Variants in FRMPD2 observed in about 807,000 individuals in gnomAD.
FRMPD2 encodes FERM and PDZ domain containing 2.
Under a neutral mutation model 140.1 loss-of-function variants are expected in FRMPD2, and 96 were observed. The ratio of observed to expected loss-of-function variants is 0.69; its 90% CI spans 0.58 to 0.81. The LOEUF is 0.81. FRMPD2 is among the 40% of genes least tolerant of loss of function. The probability of loss-of-function intolerance (pLI) is 0.00; values close to 1 mark genes in which losing one functional copy is unlikely to be tolerated. For synonymous variants in FRMPD2, 449 were observed against 547.6 expected, an observed-to-expected ratio of 0.82 and a Z score of 2.52; for missense variants, 1,240 against 1,447.4, an observed-to-expected ratio of 0.86 and a Z score of 2.32.
intron 10 of FRMPD2, among the ~76,000 whole-genome samples, chr10:48,230,819 A>G (rs955759026): frequency 6.6e-6 from 1 of 152,204 alleles, no homozygotes; most frequent in Non-Finnish European, 1.5e-5. Flanking sequence ...CTAAAGCCCT[A>G]TAAACTGAAG....
intron 2 of FRMPD2, among the ~76,000 whole-genome samples, chr10:48,250,962 A>AT (rs1444421202): frequency 4.6e-5 from 6 of 131,184 alleles, no homozygotes; most frequent in African/African-American, 2.2e-4. Context: ...ATACCTGGCA[A>AT]ATTTTTTTTT....
intron 12 of FRMPD2, among the ~76,000 whole-genome samples, chr10:48,215,878 G>A (rs1839435971): frequency 6.6e-6 from 1 of 152,194 alleles, no homozygotes; most frequent in Admixed American, 6.5e-5. Context: ...CAGATATTTG[G>A]TCAAATATTC....
chr10:48,194,730 C>A (rs1159439912), intron 15 of FRMPD2, among the ~76,000 whole-genome samples: 2 of 152,088 alleles, frequency 1.3e-5, no homozygotes, highest in Non-Finnish European at 2.9e-5. Context: ...GGAAATGAGA[C>A]CCTGGGTGTC....
At chr10:48,184,451 G>A in intron 20 of FRMPD2, 115 bp downstream of exon 20, 1 of 675,364 alleles carries the variant, frequency 1.5e-6, no homozygotes, top group Middle Eastern at 3.1e-4. Flanking sequence ...CCAACACCAT[G>A]AGGAAAGCAA....
At chr10:48,181,305 C>G (rs200870929) in intron 20 of FRMPD2, among the ~76,000 whole-genome samples, 23,926 of 151,290 alleles carry the variant, frequency 0.16, 284 homozygotes, top group East Asian at 0.36. Context: ...GTGATGGGCA[C>G]CTTAGATATA....
At position 48,270,018 on chromosome 10, in the gene FRMPD2, G is replaced by T. The variant is rs146643190; in HGVS notation, c.25+4525C>A. Among the ~76,000 whole-genome samples the T allele has an allele frequency of 1.4e-3, 213 of 152,338 alleles. 1 individual carries two copies. Among genetic ancestry groups the T allele is most frequent in the Non-Finnish European group, 2.3e-3 (158 of 68,020 alleles). ...AGCTATACAGCCAGCTGGGATAAGG[G>T]ATGAAGGTCAAACCGAAAGTGACTA... On this transcript the variant is annotated intron_variant, in intron 1 of 28. Coordinates refer to ENST00000374201, the MANE Select transcript of FRMPD2 (RefSeq NM_001018071.4).
intron 4 of FRMPD2, among the ~76,000 whole-genome samples, chr10:48,244,366 T>A (rs1279830291): frequency 6.6e-6 from 1 of 152,214 alleles, no homozygotes; most frequent in Non-Finnish European, 1.5e-5. Context: ...GAGGGAGATA[T>A]TGTAGGGAGC....
intron 1 of FRMPD2, among the ~76,000 whole-genome samples, chr10:48,268,420 T>C (rs1432221023): frequency 6.6e-6 from 1 of 152,180 alleles, no homozygotes; most frequent in African/African-American, 2.4e-5. Flanking sequence ...AAAATGAATA[T>C]CCACACACAA....
At chr10:48,252,967 C>T (rs1043876956) in intron 1 of FRMPD2, among the ~76,000 whole-genome samples, 2 of 151,928 alleles carry the variant, frequency 1.3e-5, no homozygotes, top group African/African-American at 4.8e-5. Context: ...ATGGACTAGG[C>T]ATTCCTATTC....
chr10:48,192,759 C>T lies in FRMPD2; in HGVS notation c.2090G>A (p.Gly697Asp), dbSNP rs755068594. The T allele has an allele frequency of 4.3e-6, 7 of 1,614,002 alleles. No homozygotes were observed. The highest frequency in any genetic ancestry group is 1.7e-5 in the Admixed American group (1 of 59,998). The change falls in exon 16 of 29, where the codon GGC becomes GAC. Residue 697 changes from glycine (G) to aspartate (D), a missense_variant. Physicochemically the swap from Gly to Asp is moderately conservative, Grantham distance 94 (BLOSUM62 -1). This residue lies in a region of FRMPD2 where 1,161 missense variants were observed against 1,055.9 expected (regional missense o/e 1.10). Coordinates refer to ENST00000374201, the MANE Select transcript of FRMPD2 (RefSeq NM_001018071.4). Reference protein sequence around the residue: ...FVSRLQGAAGGLLSTSMDNFN... With the variant: ...FVSRLQGAAGDLLSTSMDNFN... ...GTTATCCATTGATGTACTCAGCAGGCCTCCTGCAGCACCCTGAAGCCTGGA... is the reference window on the plus strand; with the variant it reads ...GTTATCCATTGATGTACTCAGCAGGTCTCCTGCAGCACCCTGAAGCCTGGA...
chr10:48,210,906 C>T (rs985424537), intron 13 of FRMPD2, among the ~76,000 whole-genome samples: 50 of 152,242 alleles, frequency 3.3e-4, no homozygotes, highest in African/African-American at 1.2e-3. Context: ...TCCTAACTTC[C>T]TTTTAAAACT....
chr10:48,234,588 T>G (rs1480525893), intron 9 of FRMPD2, among the ~76,000 whole-genome samples: 1 of 152,090 alleles, frequency 6.6e-6, no homozygotes, highest in African/African-American at 2.4e-5. Context: ...CAGGGGCAAA[T>G]GCTCCAGCCC....
In FRMPD2 at chr10:48,232,177, T is replaced by C; in HGVS notation, c.1106A>G (p.Asn369Ser). Residue 369 changes from asparagine (N) to serine (S), a missense_variant, in exon 10 of 29, where the codon AAT (asparagine) becomes AGT (serine). By Grantham distance (46) the Asn-to-Ser change is conservative. Around this residue, in one of 6 missense-constraint regions of FRMPD2, gnomAD observed 1,161 missense variants for 1,055.9 expected, o/e 1.10. Transcript: ENST00000374201. Reference protein sequence around the residue: ...DVESTVGAVFNAVTSFANLEE... With the variant: ...DVESTVGAVFSAVTSFANLEE... ...GAGGTTGGCAAAGGATGTCACGGCATTGAAGACAGCTCCCACTGTTGATTC... is the reference window on the plus strand; with the variant it reads ...GAGGTTGGCAAAGGATGTCACGGCACTGAAGACAGCTCCCACTGTTGATTC... 1.2e-6 allele frequency: 2 copies of C among 1,614,222 alleles called. No homozygotes were observed. Among genetic ancestry groups the C allele is most frequent in the South Asian group, 2.2e-5 (2 of 91,084 alleles).
At chr10:48,260,632 A>G (rs886572427) in intron 1 of FRMPD2, among the ~76,000 whole-genome samples, 1 of 152,188 alleles carries the variant, frequency 6.6e-6, no homozygotes, top group East Asian at 1.9e-4. Context: ...GCTATAGCAA[A>G]CAGTAAACAC....
chr10:48,188,638 G>A (rs1232179002), intron 16 of FRMPD2, among the ~76,000 whole-genome samples: 3 of 152,188 alleles, frequency 2.0e-5, no homozygotes, highest in African/African-American at 7.2e-5. Context: ...GAGAGGCTGC[G>A]ACAGGGCGCT....
At chr10:48,190,066 T>C (rs1421518767) in intron 16 of FRMPD2, among the ~76,000 whole-genome samples, 1 of 152,186 alleles carries the variant, frequency 6.6e-6, no homozygotes, top group Non-Finnish European at 1.5e-5. Flanking sequence ...ATGCGGGGCT[T>C]GATCCAGAAC....
intron 15 of FRMPD2, among the ~76,000 whole-genome samples, chr10:48,194,128 T>G (rs1431241942): frequency 6.6e-6 from 1 of 152,236 alleles, no homozygotes; most frequent in African/African-American, 2.4e-5. Context: ...TAATATTTGC[T>G]GAATGCTTAC....
chr10:48,195,010 G>A (rs1838919995), intron 15 of FRMPD2, among the ~76,000 whole-genome samples: 1 of 152,208 alleles, frequency 6.6e-6, no homozygotes, highest in African/African-American at 2.4e-5. Context: ...CATAATTGTG[G>A]CACTAGGGAA....
intron 22 of FRMPD2, chr10:48,177,702 C>G (rs1305796314): frequency 9.8e-6 from 2 of 205,024 alleles, no homozygotes; most frequent in Admixed American, 9.7e-5. Flanking sequence ...CAGTGGACTG[C>G]CCTTCTTACC....
Sources: gnomAD v4.1 joint callset for allele counts (sites outside exome capture counted in the v4.1 genomes callset) on GRCh38, gnomAD v4.1.1 for gene constraint, gnomAD v4.1.1 regional missense constraint, MANE v1.5 for transcripts, NCBI Gene and HGNC (gene_info 2026-07-23, HGNC 2026-07-21) for gene names.